The following SFMBT1 variants were observed in gnomAD, a reference collection of about 807,000 sequenced individuals.
The protein encoded by SFMBT1 is scm-like with four MBT domains protein 1.
SFMBT1 carries 32 observed loss-of-function variants against 108.7 expected under a neutral mutation model. That is an observed-to-expected ratio of 0.29 (90% CI 0.22 to 0.40). The LOEUF is 0.40. SFMBT1 is among the 10% of genes least tolerant of loss of function. SFMBT1 has a pLI of 1.00. For synonymous variants in SFMBT1, 348 were observed against 369.5 expected, an observed-to-expected ratio of 0.94 and a Z score of 0.67; for missense variants, 816 against 1,059.6, an observed-to-expected ratio of 0.77 and a Z score of 3.19.
intron 4 of SFMBT1, among the ~76,000 whole-genome samples, chr3:52,942,944 G>C (rs1023560145): frequency 7.0e-4 from 107 of 152,282 alleles, no homozygotes; most frequent in African/African-American, 2.5e-3. Context: ...AATGGTGCTT[G>C]ATTTAGTTCA....
chr3:52,928,683 C>CAT (rs1559514243), intron 8 of SFMBT1, among the ~76,000 whole-genome samples: 3 of 137,550 alleles, frequency 2.2e-5, no homozygotes, highest in African/African-American at 6.1e-5. Flanking sequence ...CACACACACA[C>CAT]ATATATATAT....
chr3:52,905,086 G>GCTTT lies in SFMBT1; in HGVS notation c.*49_*50insAAAG, dbSNP rs746609356. Reference sequence around the variant, plus strand: ...GCTCCACTTATAAAGCAGGGTGAAGGATTTGCTGCATTTGTGCTTCAAAGA... The same window carrying GCTTT: ...GCTCCACTTATAAAGCAGGGTGAAGGCTTTATTTGCTGCATTTGTGCTTCAAAGA... On this transcript the variant is annotated 3_prime_UTR_variant, in exon 21 of 21. Coordinates refer to ENST00000394752, the MANE Select transcript of SFMBT1 (RefSeq NM_016329.4). The GCTTT allele has an allele frequency of 7.4e-5, 119 of 1,601,964 alleles. No homozygotes were observed. The Admixed American group carries it at 1.6e-3, about 21-fold the overall frequency.
intron 1 of SFMBT1, among the ~76,000 whole-genome samples, chr3:53,025,321 A>G (rs1258328605): frequency 6.6e-6 from 1 of 152,302 alleles, no homozygotes; most frequent in East Asian, 1.9e-4. Context: ...ATCAAAACAT[A>G]TTTCAGGCTG....
chr3:53,034,293 T>G (rs1397349701), intron 1 of SFMBT1, among the ~76,000 whole-genome samples: 1 of 152,190 alleles, frequency 6.6e-6, no homozygotes, highest in Non-Finnish European at 1.5e-5. Flanking sequence ...GATTCATCAC[T>G]GGCACGGGCA....
intron 1 of SFMBT1, among the ~76,000 whole-genome samples, chr3:53,012,465 C>T (rs1275063622): frequency 6.6e-6 from 1 of 151,690 alleles, no homozygotes; most frequent in East Asian, 1.9e-4. Flanking sequence ...TGCAGTGGCG[C>T]GATCTCAGCT....
chr3:53,030,678 T>C (rs1230911433), intron 1 of SFMBT1, among the ~76,000 whole-genome samples: 1 of 37,624 alleles, frequency 2.7e-5, no homozygotes, highest in Non-Finnish European at 5.2e-5. Context: ...CAACTGGCCA[T>C]AATGCAAAAA....
At chr3:53,036,999 T>C (rs192957499) in intron 1 of SFMBT1, among the ~76,000 whole-genome samples, 14 of 152,200 alleles carry the variant, frequency 9.2e-5, no homozygotes, top group Admixed American at 7.2e-4. Context: ...AGACGAGGCA[T>C]AGGGAGAACA....
chr3:53,026,823 G>A (rs999785069), intron 1 of SFMBT1, among the ~76,000 whole-genome samples: 20 of 152,166 alleles, frequency 1.3e-4, no homozygotes, highest in African/African-American at 4.6e-4. Flanking sequence ...TTAGAGACAG[G>A]GTTTTGCCCT....
intron 4 of SFMBT1, among the ~76,000 whole-genome samples, chr3:52,937,221 C>T (rs1383761878): frequency 6.6e-6 from 1 of 152,136 alleles, no homozygotes; most frequent in African/African-American, 2.4e-5. Context: ...CTACCACCAA[C>T]AGTAGGATTA....
At chr3:52,998,278 G>A (rs1341692635) in intron 1 of SFMBT1, among the ~76,000 whole-genome samples, 1 of 150,104 alleles carries the variant, frequency 6.7e-6, no homozygotes, top group Non-Finnish European at 1.5e-5. Context: ...TGTAGTCCCA[G>A]CTACTCCGGA....
At chr3:53,024,113 C>T (rs1204186853) in intron 1 of SFMBT1, among the ~76,000 whole-genome samples, 4 of 152,048 alleles carry the variant, frequency 2.6e-5, no homozygotes, top group African/African-American at 9.7e-5. Flanking sequence ...AACACAAGTG[C>T]TAAGGAGAAA....
rs188629371 is a variant in SFMBT1 at position 52,991,533 on chromosome 3, C to T, written c.-130-22275G>A. ...CTAATTTTTGTATCTTTAGTAGAGA[C>T]GGGTTTCACCATGTTGGCCAGGATG... is the stretch of plus-strand genomic sequence containing the variant. On this transcript the variant is annotated intron_variant, in intron 1 of 20. Coordinates refer to ENST00000394752, the MANE Select transcript of SFMBT1 (RefSeq NM_016329.4). 3.3e-5 allele frequency among the ~76,000 whole-genome samples: 5 copies of T among 151,910 alleles called. No homozygotes were observed. The East Asian group carries it at 5.8e-4, about 18-fold the overall frequency.
At chr3:53,024,944 C>G (rs2581780) in intron 1 of SFMBT1, among the ~76,000 whole-genome samples, 1 of 151,946 alleles carries the variant, frequency 6.6e-6, no homozygotes, top group Admixed American at 6.6e-5. Context: ...ATAAAGTATA[C>G]AATGACTTTA....
At chr3:52,940,454 C>T (rs192079797) in intron 4 of SFMBT1, among the ~76,000 whole-genome samples, 1 of 152,220 alleles carries the variant, frequency 6.6e-6, no homozygotes. Flanking sequence ...AGGACAGTTT[C>T]AGGATCAAAA....
intron 1 of SFMBT1, among the ~76,000 whole-genome samples, chr3:52,987,893 A>G (rs904699108): frequency 1.3e-5 from 2 of 152,226 alleles, no homozygotes; most frequent in Non-Finnish European, 2.9e-5. Context: ...ATTAAAACAC[A>G]TTTCCTTATT....
chr3:52,954,602 G>A (rs1183088956), intron 2 of SFMBT1, among the ~76,000 whole-genome samples, 191 bp from the exon 3 acceptor site: 2 of 152,154 alleles, frequency 1.3e-5, no homozygotes, highest in Non-Finnish European at 2.9e-5. Context: ...TGCACTGATT[G>A]TCAACGAATC....
intron 1 of SFMBT1, among the ~76,000 whole-genome samples, chr3:53,007,068 C>T (rs371273525): frequency 6.6e-6 from 1 of 152,228 alleles, no homozygotes; most frequent in African/African-American, 2.4e-5. Context: ...CAGACACATG[C>T]TCACTAAATA....
rs1703322763 is a variant in SFMBT1, at chr3:52,945,149, AAAC to A, written c.124-1559_124-1557del. Among the ~76,000 whole-genome samples, 6 of 148,588 alleles carry A rather than the reference AAAC, an allele frequency of 4.0e-5. 1 individual carries two copies. In the Admixed American group the frequency reaches 4.1e-4, roughly 10 times the overall value. On this transcript the variant is annotated intron_variant, in intron 3 of 20. Coordinates refer to ENST00000394752, the MANE Select transcript of SFMBT1 (RefSeq NM_016329.4). Reference sequence around the variant, plus strand: ...CCACCTTCCAATTAAAAAAAAAAAAAAACAAGGACTTCAGGGAAAAAAGCTTAT... The same window carrying A: ...CCACCTTCCAATTAAAAAAAAAAAAAAAGGACTTCAGGGAAAAAAGCTTAT...
At chr3:53,003,539 T>G (rs1698631570) in intron 1 of SFMBT1, among the ~76,000 whole-genome samples, 1 of 149,998 alleles carries the variant, frequency 6.7e-6, no homozygotes, top group South Asian at 2.1e-4. Context: ...TCTCCGTTTT[T>G]CCGTATGCTC....
Sources: allele counts gnomAD v4.1 joint callset (sites outside exome capture counted in the v4.1 genomes callset), GRCh38; gene constraint gnomAD v4.1.1; transcripts MANE v1.5; gene names NCBI Gene and HGNC (gene_info 2026-07-23, HGNC 2026-07-21).